The following MIB1 variants were observed in gnomAD, a reference collection of about 807,000 sequenced individuals.
MIB1 encodes the protein MIB E3 ubiquitin protein ligase 1.
In MIB1, 278 loss-of-function variants were observed where a neutral mutation model predicts 124.5. The ratio of observed to expected loss-of-function variants is 2.23; its 90% CI spans 2.02 to 2.47. The LOEUF (loss-of-function observed/expected upper bound fraction) is 2.47, where lower values mean the gene tolerates loss of function less well. Ranked by LOEUF, MIB1 falls within the 30% of genes most tolerant of loss-of-function variation. The probability of loss-of-function intolerance (pLI) is 0.00; values close to 1 mark genes in which losing one functional copy is unlikely to be tolerated. For missense variants in MIB1, 957 were observed against 1,254.4 expected, an observed-to-expected ratio of 0.76 and a Z score of 3.58; for synonymous variants, 446 against 429.4, an observed-to-expected ratio of 1.04 and a Z score of -0.48.
chr18:21,704,931 A>T (rs979969005), upstream of MIB1: 4 of 297,376 alleles, frequency 1.3e-5, no homozygotes, highest in Non-Finnish European at 2.5e-5. Context: ...CGCGGTTCCA[A>T]GACCGGCCAC....
intron 12 of MIB1, among the ~76,000 whole-genome samples, chr18:21,836,916 A>G (rs868525054): frequency 6.6e-6 from 1 of 152,170 alleles, no homozygotes; most frequent in South Asian, 2.1e-4. Context: ...TACAATATCT[A>G]GTATTTTATT....
intron 20 of MIB1, among the ~76,000 whole-genome samples, 176 bp downstream of exon 20, chr18:21,858,822 A>T (rs1005326904): frequency 5.3e-5 from 8 of 152,240 alleles, no homozygotes; most frequent in Non-Finnish European, 1.2e-4. Flanking sequence ...TTTCCAAAAT[A>T]GGTAACACAC....
intron 1 of MIB1, among the ~76,000 whole-genome samples, chr18:21,721,244 G>A (rs12964486): frequency 7.9e-6 from 1 of 127,206 alleles, no homozygotes; most frequent in South Asian, 2.4e-4. Flanking sequence ...GCGATGGTGC[G>A]ATCTTGGCTC....
At chr18:21,847,735 A>C (rs912832333) in intron 16 of MIB1, among the ~76,000 whole-genome samples, 2 of 152,206 alleles carry the variant, frequency 1.3e-5, no homozygotes, top group East Asian at 3.8e-4. Flanking sequence ...TGACAGGTGC[A>C]CTCAGTATCA....
chr18:21,841,819 T>A (rs771312746), intron 13 of MIB1, among the ~76,000 whole-genome samples: 16 of 152,088 alleles, frequency 1.1e-4, no homozygotes, highest in Admixed American at 2.0e-4. Context: ...CGAAGCCAAA[T>A]GTTCAGGTAG....
intron 6 of MIB1, among the ~76,000 whole-genome samples, chr18:21,784,288 C>T (rs1598609163): frequency 8.0e-6 from 1 of 125,254 alleles, no homozygotes; most frequent in African/African-American, 3.1e-5. Context: ...ACCTCGTAAT[C>T]CGCCCTCCTC....
At chr18:21,746,047 T>A (rs547768071) in intron 1 of MIB1, among the ~76,000 whole-genome samples, 76 of 151,928 alleles carry the variant, frequency 5.0e-4, no homozygotes, top group Middle Eastern at 3.4e-3. Flanking sequence ...GTACTTAATT[T>A]AAAAAAAAGC....
intron 6 of MIB1, among the ~76,000 whole-genome samples, chr18:21,785,555 C>G (rs2041425557): frequency 1.3e-5 from 2 of 152,168 alleles, no homozygotes; most frequent in African/African-American, 4.8e-5. Context: ...CTGTGTACAT[C>G]TTTTGATATT....
At chr18:21,716,820 C>T (rs2040691895) in intron 1 of MIB1, among the ~76,000 whole-genome samples, 1 of 152,090 alleles carries the variant, frequency 6.6e-6, no homozygotes, top group Non-Finnish European at 1.5e-5. Context: ...CCACTGCACT[C>T]CAGCCTGGGG....
At chr18:21,766,757 G>A (rs1210952232) in intron 2 of MIB1, among the ~76,000 whole-genome samples, 1 of 152,040 alleles carries the variant, frequency 6.6e-6, no homozygotes, top group African/African-American at 2.4e-5. Context: ...AAATGAATAA[G>A]GCTGGGCGGG....
At chr18:21,812,400 A>G (rs1032637370) in intron 10 of MIB1, 13 of 152,246 alleles carry the variant, frequency 8.5e-5, no homozygotes, top group Non-Finnish European at 1.6e-4. Context: ...AGAAAGAATT[A>G]TGACTTTGGT....
chr18:21,849,912 T>C (rs1029489717), intron 17 of MIB1, among the ~76,000 whole-genome samples: 1 of 152,166 alleles, frequency 6.6e-6, no homozygotes, highest in East Asian at 1.9e-4. Flanking sequence ...CTTGCTATCT[T>C]CTGTGTTTCC....
rs1189485379 is a variant in MIB1 at position 21,865,326 on chromosome 18, T to C, written c.*660T>C. ...GGAACATTGTTTAACTTGAATCAGA[T>C]TACCAGTTTCAAGGTGACTGATAGA... On this transcript the variant is annotated 3_prime_UTR_variant, in exon 21 of 21. Transcript: ENST00000261537. 6.6e-6 allele frequency: 1 copy of C among 152,110 alleles called. No homozygotes were observed. The highest frequency in any genetic ancestry group is 2.4e-5 in the African/African-American group (1 of 41,428). The allele number at this position is 152,110 out of a possible 1,614,324, so 9.4% of individuals were successfully genotyped here.
intron 1 of MIB1, among the ~76,000 whole-genome samples, chr18:21,761,634 C>T (rs2041098683): frequency 6.6e-6 from 1 of 152,148 alleles, no homozygotes; most frequent in Non-Finnish European, 1.5e-5. Flanking sequence ...ACATTTGTAA[C>T]TGCCTCAATT....
Position 21,732,383 on chromosome 18 carries a change from C to CACAG in MIB1, n.167+27263_167+27264insGACA, listed in dbSNP as rs1451327532. On this transcript the variant is annotated intron_variant and non_coding_transcript_variant, in intron 1 of 20. Transcript: ENST00000578646. Reference sequence around the variant, plus strand: ...ACACACACACACACACACACACACACACACACACACAGAGCAAGAGAGAGA... The same window carrying CACAG: ...ACACACACACACACACACACACACACACAGACACACACACAGAGCAAGAGAGAGA... 1.3e-5 allele frequency among the ~76,000 whole-genome samples: 2 copies of CACAG among 151,192 alleles called. 1 individual carries two copies. Among genetic ancestry groups the CACAG allele is most frequent in the Admixed American group, 1.3e-4 (2 of 15,174 alleles).
chr18:21,711,104 GGCGTGAGCCAC>G (rs2040663806), intron 1 of MIB1, among the ~76,000 whole-genome samples: 1 of 152,052 alleles, frequency 6.6e-6, no homozygotes, highest in Non-Finnish European at 1.5e-5. Flanking sequence ...TGGGATTACA[GGCGTGAGCCAC>G]TGAACTTGGC....
In MIB1 at chr18:21,741,132, C is replaced by T. The variant is rs927597841; in HGVS notation, c.-452C>T. The stretch of plus-strand genomic sequence containing the variant: ...GGGTGCCCGCCCCCGAGCGAGGGGC[C>T]GGGGTGGCAGAAAGGCCGGCAGTTA... On this transcript the variant is annotated 5_prime_UTR_variant, in exon 1 of 21. Coordinates refer to ENST00000261537, the MANE Select transcript of MIB1 (RefSeq NM_020774.4). The surrounding 1 kb of genome is among the most constrained non-coding windows in gnomAD (Gnocchi z 5.4). Among the ~76,000 whole-genome samples the T allele has an allele frequency of 3.3e-5, 5 of 151,978 alleles. No individual in the cohort carries two copies. The highest frequency in any genetic ancestry group is 7.2e-5 in the African/African-American group (3 of 41,414).
At position 21,798,091 on chromosome 18, in the gene MIB1, G is replaced by A; in HGVS notation, c.1100G>A (p.Gly367Asp). The A allele has an allele frequency of 6.2e-7, 1 of 1,612,572 alleles. No homozygotes were observed. The highest frequency in any genetic ancestry group is 8.5e-7 in the Non-Finnish European group (1 of 1,179,072). Residue 367 changes from glycine (G) to aspartate (D), a missense_variant, in exon 8 of 21, where the codon GGT becomes GAT. Physicochemically the swap from Gly to Asp is moderately conservative, Grantham distance 94 (BLOSUM62 -1). Coordinates refer to ENST00000261537, the MANE Select transcript of MIB1 (RefSeq NM_020774.4). The stretch of plus-strand genomic sequence containing the variant: ...TCTATTTTTTTCCCCAAGACTTTAG[G>A]TAAAGTTGGCCGAGTACAACAGATT... ...EWAEAMLPTL[G>D]KVGRVQQIYS...
chr18:21,708,389 C>A (rs1264697183), intron 1 of MIB1, among the ~76,000 whole-genome samples: 3 of 152,196 alleles, frequency 2.0e-5, no homozygotes, highest in Non-Finnish European at 2.9e-5. Context: ...CATAGTGGCT[C>A]ACGCCTGTAA....
Sources: gnomAD v4.1 joint callset for allele counts (sites outside exome capture counted in the v4.1 genomes callset) on GRCh38, gnomAD v4.1.1 for gene constraint, Gnocchi (gnomAD v3.1) non-coding constraint, MANE v1.5 for transcripts, NCBI Gene and HGNC (gene_info 2026-07-23, HGNC 2026-07-21) for gene names.